SINHCAF: variants seen among roughly 807,000 people sequenced by gnomAD.
SINHCAF encodes SIN3-HDAC complex associated factor, also known as SIN3-HDAC complex-associated factor.
A neutral mutation model predicts 25.8 loss-of-function variants in SINHCAF; 3 were observed. That is an observed-to-expected ratio of 0.12 (90% CI 0.05 to 0.30). SINHCAF has a LOEUF of 0.30. SINHCAF is among the 10% of genes least tolerant of loss of function. SINHCAF has a pLI of 1.00. For synonymous variants in SINHCAF, 70 were observed against 85.5 expected, an observed-to-expected ratio of 0.82 and a Z score of 1.00; for missense variants, 121 against 262.3, an observed-to-expected ratio of 0.46 and a Z score of 3.72.
intron 4 of SINHCAF, among the ~76,000 whole-genome samples, chr12:31,292,587 A>G (rs1179320814): frequency 6.6e-6 from 1 of 152,154 alleles, no homozygotes. Flanking sequence ...AGAGCTGGTT[A>G]GGAAAGGTAA....
At chr12:31,300,401 A>T (rs1013775650) in intron 1 of SINHCAF, among the ~76,000 whole-genome samples, 9 of 152,178 alleles carry the variant, frequency 5.9e-5, no homozygotes, top group African/African-American at 2.2e-4. Flanking sequence ...GCATTTCAAT[A>T]ATTAAGTCTA....
chr12:31,308,461 T>C (rs752918399), intron 1 of SINHCAF, among the ~76,000 whole-genome samples: 5 of 152,198 alleles, frequency 3.3e-5, no homozygotes, highest in African/African-American at 4.8e-5. Flanking sequence ...CTATCAGGAT[T>C]GATGCTCAAT....
At chr12:31,308,437 A>AG (rs1470492641) in intron 1 of SINHCAF, among the ~76,000 whole-genome samples, 5 of 152,226 alleles carry the variant, frequency 3.3e-5, no homozygotes, top group African/African-American at 9.6e-5. Context: ...AAAAAAGCTA[A>AG]GATTCCTTTG....
intron 1 of SINHCAF, chr12:31,303,030 T>A (rs891708422): frequency 1.0e-6 from 1 of 985,214 alleles, no homozygotes. Flanking sequence ...CTACAATATG[T>A]TTTCTTAAGG....
In SINHCAF at chr12:31,303,030, T is replaced by C. The variant is rs891708422; in HGVS notation, c.-20-4806A>G. 6.1e-6 allele frequency: 6 copies of C among 985,096 alleles called. No individual in the cohort carries two copies. In the African/African-American group the frequency reaches 1.0e-4, roughly 17 times the overall value. 61.0% of individuals were successfully genotyped at this position (985,096 alleles called of 1,614,324 possible). A position where few individuals can be genotyped will look rare whatever the true frequency, so the allele number is the denominator to read the frequency against. On this transcript the variant is annotated intron_variant, in intron 1 of 5. Transcript: ENST00000337682. ...CATCTATCTGTCTATCTACAATATGTTTTCTTAAGGTCCCTGAAATAGAAA... is the reference window on the plus strand; with the variant it reads ...CATCTATCTGTCTATCTACAATATGCTTTCTTAAGGTCCCTGAAATAGAAA...
chr12:31,304,841 A>T (rs1225179976), intron 1 of SINHCAF: 1 of 152,230 alleles, frequency 6.6e-6, no homozygotes, highest in Admixed American at 6.5e-5. Context: ...TGAAAAGTCA[A>T]GTGTATATAC....
At chr12:31,283,602 C>CA (rs1173725014) in intron 5 of SINHCAF, among the ~76,000 whole-genome samples, 31 of 137,834 alleles carry the variant, frequency 2.2e-4, no homozygotes, top group African/African-American at 6.0e-4. Context: ...AACTCTGTCT[C>CA]AAAAAAAAAC....
chr12:31,287,616 ATACT>A lies in SINHCAF; in HGVS notation c.506+14_506+17del. 1 of 1,567,182 alleles carries A rather than the reference ATACT, an allele frequency of 6.4e-7. No individual in the cohort carries two copies. Among genetic ancestry groups the A allele is most frequent in the Non-Finnish European group, 8.7e-7 (1 of 1,150,694 alleles). ...TTAAGATGGTTTGCTGGTTAGAGAG[ATACT>A]TTGTTTCTTTTACCTTTTCCAGTAA... On this transcript the variant is annotated intron_variant, in intron 5 of 5. Transcript: ENST00000337682.
intron 1 of SINHCAF, chr12:31,303,607 G>T (rs1051361460): frequency 6.6e-6 from 1 of 152,096 alleles, no homozygotes; most frequent in East Asian, 1.9e-4. Flanking sequence ...CACTGCACCT[G>T]ACCTATAATT....
intron 2 of SINHCAF, among the ~76,000 whole-genome samples, chr12:31,297,467 A>ATTTT (rs777087270): frequency 5.8e-5 from 6 of 103,418 alleles, no homozygotes; most frequent in Non-Finnish European, 1.2e-4. Context: ...GTCAAGCGTA[A>ATTTT]TTTTTTTTTT....
chr12:31,283,891 CAG>C (rs1491086529), intron 5 of SINHCAF, among the ~76,000 whole-genome samples: 3 of 151,046 alleles, frequency 2.0e-5, no homozygotes, highest in South Asian at 4.2e-4. Flanking sequence ...CACACACACA[CAG>C]AATCACAATG....
rs1938373811 is a variant in SINHCAF, at chr12:31,292,616, T to C, written c.355+1189A>G. On this transcript the variant is annotated intron_variant, in intron 4 of 5. Coordinates refer to ENST00000337682, the MANE Select transcript of SINHCAF (RefSeq NM_001135812.2). ...AAGGTAAGTGTATAATTAAAATACA[T>C]ATACAAATTTATATTTCCTAAATAT... Among the ~76,000 whole-genome samples, 3 of 152,148 alleles carry C rather than the reference T, an allele frequency of 2.0e-5. No individual in the cohort carries two copies. The South Asian group carries it at 6.2e-4, about 31-fold the overall frequency.
chr12:31,304,391 T>C (rs1370672888), intron 1 of SINHCAF: 1 of 152,168 alleles, frequency 6.6e-6, no homozygotes, highest in African/African-American at 2.4e-5. Context: ...TTTTTCTCCT[T>C]TGGACATTCA....
chr12:31,311,551 C>A (rs1284445787), intron 1 of SINHCAF: 3 of 264,096 alleles, frequency 1.1e-5, no homozygotes, highest in African/African-American at 6.8e-5. Flanking sequence ...TGGAAGTGAA[C>A]CACTGGGACC....
intron 4 of SINHCAF, among the ~76,000 whole-genome samples, chr12:31,290,280 T>C (rs1233661947): frequency 2.6e-5 from 4 of 151,990 alleles, no homozygotes; most frequent in Admixed American, 1.3e-4. Context: ...TAGCTACAAC[T>C]ACAGGTGTGC....
intron 1 of SINHCAF, among the ~76,000 whole-genome samples, chr12:31,318,568 A>T (rs1939581620): frequency 6.6e-6 from 1 of 152,102 alleles, no homozygotes; most frequent in Non-Finnish European, 1.5e-5. Context: ...CTGAAATGGC[A>T]TAGGTTAAAA....
chr12:31,286,041 A>T (rs943257802), intron 5 of SINHCAF, among the ~76,000 whole-genome samples: 3 of 152,150 alleles, frequency 2.0e-5, no homozygotes, highest in Middle Eastern at 3.4e-3. Context: ...AAGTACTTAC[A>T]CTATGCACTA....
chr12:31,317,613 CTTT>C (rs34113007), intron 1 of SINHCAF, among the ~76,000 whole-genome samples: 1 of 144,420 alleles, frequency 6.9e-6, no homozygotes. Context: ...CTACCTCCTG[CTTT>C]TTTTTTTTTA....
chr12:31,322,548 G>T (rs530562609), intron 1 of SINHCAF, among the ~76,000 whole-genome samples: 1 of 150,508 alleles, frequency 6.6e-6, no homozygotes, highest in Non-Finnish European at 1.5e-5. Context: ...GGGAAAAATA[G>T]GTCCAAAGTT....
Sources: gnomAD v4.1 joint callset for allele counts (sites outside exome capture counted in the v4.1 genomes callset) on GRCh38, gnomAD v4.1.1 for gene constraint, MANE v1.5 for transcripts, NCBI Gene and HGNC (gene_info 2026-07-23, HGNC 2026-07-21) for gene names.